The following TUSC3 variants were observed in gnomAD, a reference collection of about 807,000 sequenced individuals.
TUSC3 encodes the protein dolichyl-diphosphooligosaccharide--protein glycosyltransferase subunit TUSC3.
A neutral mutation model predicts 44.8 loss-of-function variants in TUSC3; 45 were observed. The observed-to-expected ratio is 1.00, with a 90% CI of 0.79 to 1.29. The LOEUF (loss-of-function observed/expected upper bound fraction) is 1.29, where lower values mean the gene tolerates loss of function less well. Ranked by LOEUF, TUSC3 falls within the 50% of genes most tolerant of loss-of-function variation. The pLI is 0.00. For missense variants in TUSC3, 519 were observed against 437.9 expected (o/e 1.19, Z -1.65); for synonymous variants, 212 against 152.9 (o/e 1.39, Z -2.85).
chr8:15,485,621 C>G (rs1278026938), intron 2 of TUSC3, among the ~76,000 whole-genome samples: 2 of 152,080 alleles, frequency 1.3e-5, no homozygotes, highest in Non-Finnish European at 2.9e-5. Context: ...AGAAATTTCT[C>G]TCTTCTATCT....
intron 6 of TUSC3, among the ~76,000 whole-genome samples, chr8:15,681,239 A>G (rs1234464288): frequency 6.7e-6 from 1 of 148,378 alleles, no homozygotes; most frequent in Non-Finnish European, 1.5e-5. Flanking sequence ...GAATAGTTTC[A>G]GTAGGATTGG....
At chr8:15,540,608 C>A in intron 1 of TUSC3, 40 bp downstream of exon 1, 1 of 1,492,396 alleles carries the variant, frequency 6.7e-7, no homozygotes, top group Non-Finnish European at 9.0e-7. Context: ...TGGGCGGGGG[C>A]GGGCCAGGGT....
the TUSC3 span, among the ~76,000 whole-genome samples, chr8:15,851,529 G>C: frequency 6.6e-6 from 1 of 152,182 alleles, no homozygotes; most frequent in South Asian, 2.1e-4. Context: ...TACAGATGAA[G>C]AAACTCTGAT....
At chr8:15,486,757 T>G (rs527681790) in intron 2 of TUSC3, among the ~76,000 whole-genome samples, 2 of 152,286 alleles carry the variant, frequency 1.3e-5, no homozygotes, top group South Asian at 2.1e-4. Flanking sequence ...CTCCCACAAT[T>G]TTCTAAGGTA....
intron 1 of TUSC3, among the ~76,000 whole-genome samples, chr8:15,564,786 G>A (rs1215782573): frequency 6.6e-6 from 1 of 151,942 alleles, no homozygotes; most frequent in Non-Finnish European, 1.5e-5. Flanking sequence ...ATTTCCCCAC[G>A]CTTGTGCTGG....
At position 15,705,870 on chromosome 8, in the gene TUSC3, CTG is replaced by C. The variant is rs1423563686; in HGVS notation, c.799-24793_799-24792del. Reference sequence around the variant, plus strand: ...ACAACTTACATATTATCAGATAAAACTGTGCCGCCTTTCCTGCTAGTGTACCT... The same window carrying C: ...ACAACTTACATATTATCAGATAAAACTGCCGCCTTTCCTGCTAGTGTACCT... On this transcript the variant is annotated intron_variant, in intron 6 of 10. Coordinates refer to ENST00000503731, the MANE Select transcript of TUSC3 (RefSeq NM_006765.4). Among the ~76,000 whole-genome samples, 4 of 152,180 alleles carry C rather than the reference CTG, an allele frequency of 2.6e-5. No individual in the cohort carries two copies. In the East Asian group the frequency reaches 7.7e-4, roughly 29 times the overall value.
intron 6 of TUSC3, among the ~76,000 whole-genome samples, chr8:15,724,151 G>C (rs1399513149): frequency 6.6e-6 from 1 of 152,160 alleles, no homozygotes; most frequent in Non-Finnish European, 1.5e-5. Flanking sequence ...GGTCATGTGA[G>C]CACACAGTGA....
the TUSC3 span, among the ~76,000 whole-genome samples, chr8:15,812,833 C>T: frequency 1.8e-4 from 28 of 152,172 alleles, no homozygotes; most frequent in African/African-American, 6.5e-4. Context: ...TGTTGGTTCA[C>T]GCCTGTAATC....
chr8:15,772,322 T>G, the TUSC3 span, among the ~76,000 whole-genome samples: 1 of 152,068 alleles, frequency 6.6e-6, no homozygotes, highest in Non-Finnish European at 1.5e-5. Context: ...AAGATACAAA[T>G]TACTAATATC....
At chr8:15,720,288 A>C (rs1563189381) in intron 6 of TUSC3, among the ~76,000 whole-genome samples, 1 of 152,032 alleles carries the variant, frequency 6.6e-6, no homozygotes, top group Admixed American at 6.6e-5. Flanking sequence ...CCGATTAAAT[A>C]TAAAGATGAA....
At chr8:15,527,767 C>G (rs1801395157) in intron 2 of TUSC3, among the ~76,000 whole-genome samples, 1 of 152,176 alleles carries the variant, frequency 6.6e-6, no homozygotes, top group South Asian at 2.1e-4. Context: ...TATACAGTAA[C>G]TAAGCACTAG....
the TUSC3 span, among the ~76,000 whole-genome samples, chr8:15,825,270 A>T: frequency 6.6e-6 from 1 of 152,162 alleles, no homozygotes; most frequent in Non-Finnish European, 1.5e-5. Context: ...ATTTATAAAG[A>T]AAAAGAGGTT....
chr8:15,649,805 CT>C (rs1275940237), intron 2 of TUSC3, among the ~76,000 whole-genome samples: 3 of 152,036 alleles, frequency 2.0e-5, no homozygotes, highest in African/African-American at 7.2e-5. Flanking sequence ...GCTCCAAGTC[CT>C]TTTGTTATTG....
At chr8:15,842,071 C>T in the TUSC3 span, among the ~76,000 whole-genome samples, 1 of 152,146 alleles carries the variant, frequency 6.6e-6, no homozygotes, top group East Asian at 1.9e-4. Context: ...ACCCACGTTT[C>T]TTATTCCTCA....
chr8:15,831,360 T>C, the TUSC3 span, among the ~76,000 whole-genome samples: 1 of 152,118 alleles, frequency 6.6e-6, no homozygotes, highest in East Asian at 1.9e-4. Flanking sequence ...AAAGAACCAC[T>C]GCAAGAACTC....
At position 15,757,196 on chromosome 8, in the gene TUSC3, C is replaced by G. The variant is rs187782808; in HGVS notation, c.1029-595C>G. Among the ~76,000 whole-genome samples, 5 of 152,156 alleles carry G rather than the reference C, an allele frequency of 3.3e-5. No individual in the cohort carries two copies. In the East Asian group the frequency reaches 9.7e-4, roughly 29 times the overall value. ...GTTCCAATTCTAAGCTGGGTGATAACAAGTGAAAAACAGAATATATAAATT... is the reference window on the plus strand; with the variant it reads ...GTTCCAATTCTAAGCTGGGTGATAAGAAGTGAAAAACAGAATATATAAATT... On this transcript the variant is annotated intron_variant, in intron 9 of 10. Transcript: ENST00000503731.
chr8:15,455,459 AC>A (rs1800243042), intron 1 of TUSC3, among the ~76,000 whole-genome samples: 1 of 151,940 alleles, frequency 6.6e-6, no homozygotes, highest in African/African-American at 2.4e-5. Context: ...CTATGTATAC[AC>A]ACCTATGTAT....
chr8:15,573,681 A>G (rs1802978629), intron 1 of TUSC3, among the ~76,000 whole-genome samples: 1 of 152,122 alleles, frequency 6.6e-6, no homozygotes, highest in Admixed American at 6.6e-5. Flanking sequence ...CAAACCTCTA[A>G]TTTTGCCCTG....
At position 15,602,726 on chromosome 8, in the gene TUSC3, A is replaced by G. The variant is rs189182706; in HGVS notation, c.139-20354A>G. Among the ~76,000 whole-genome samples, 106 of 150,976 alleles carry G rather than the reference A, an allele frequency of 7.0e-4. 1 individual carries two copies. In the East Asian group the frequency reaches 0.017, roughly 24 times the overall value. Reference sequence around the variant, plus strand: ...TATGTGTATGTATACGTGTGTATACATATGTACACAAAATATGGGTTGTAT... The same window carrying G: ...TATGTGTATGTATACGTGTGTATACGTATGTACACAAAATATGGGTTGTAT... On this transcript the variant is annotated intron_variant, in intron 1 of 10. Transcript: ENST00000503731.
Sources: allele counts gnomAD v4.1 joint callset (sites outside exome capture counted in the v4.1 genomes callset), GRCh38; gene constraint gnomAD v4.1.1; transcripts MANE v1.5; gene names NCBI Gene and HGNC (gene_info 2026-07-23, HGNC 2026-07-21).